INO80: variants seen among roughly 807,000 people sequenced by gnomAD.
INO80 encodes chromatin-remodeling ATPase INO80.
Under a neutral mutation model 203.4 loss-of-function variants are expected in INO80, and 20 were observed. That is an observed-to-expected ratio of 0.10 (90% CI 0.07 to 0.14). INO80 has a LOEUF of 0.14. Among genes scored for constraint, INO80 ranks in the 10% least tolerant of loss-of-function variants. INO80 has a pLI of 1.00. For missense variants in INO80, 1,419 were observed against 1,914.4 expected (o/e 0.74, Z 4.83); for synonymous variants, 726 against 685.2 (o/e 1.06, Z -0.93).
rs1355917194 is a variant in INO80 at position 41,116,097 on chromosome 15, G to A, written c.-168C>T. Reference sequence around the variant, plus strand: ...GGTTCGCTCTCTGAGGCCGTGGGACGGTGACTGCGTTGGGCGTGGACGCTC... The same window carrying A: ...GGTTCGCTCTCTGAGGCCGTGGGACAGTGACTGCGTTGGGCGTGGACGCTC... On this transcript the variant is annotated 5_prime_UTR_variant, in exon 1 of 36. Transcript: ENST00000648947. 3 of 397,042 alleles carry A rather than the reference G, an allele frequency of 7.6e-6. No homozygotes were observed. Among genetic ancestry groups the A allele is most frequent in the Admixed American group, 4.4e-5 (1 of 22,650 alleles). The allele number at this position is 397,042 out of a possible 1,614,324, so 24.6% of individuals were successfully genotyped here.
At chr15:41,036,407 T>TCA (rs1426290195) in intron 24 of INO80, among the ~76,000 whole-genome samples, 1 of 152,140 alleles carries the variant, frequency 6.6e-6, no homozygotes, top group Non-Finnish European at 1.5e-5. Context: ...AAGGAACGTG[T>TCA]CACCTCTAGT....
chr15:40,984,229 C>A lies in INO80; in HGVS notation c.4045G>T (p.Val1349Leu). The change falls in exon 33 of 36, where the codon GTG becomes TTG. Residue 1349 changes from valine to leucine, a missense_variant. This residue lies in a region of INO80 where 214 missense variants were observed against 248.9 expected (regional missense o/e 0.86). Coordinates refer to ENST00000648947, the MANE Select transcript of INO80 (RefSeq NM_017553.3). ...SADGDDSFISVDSAMPSPFSE... is the reference protein window; with the variant it reads ...SADGDDSFISLDSAMPSPFSE... ...AAAGGGCTTGGCATGGCTGAGTCCA[C>A]GCTAATGAAGGAGTCATCTCCGTCA... 1 of 1,613,712 alleles carries A rather than the reference C, an allele frequency of 6.2e-7. No homozygotes were observed. Among genetic ancestry groups the A allele is most frequent in the East Asian group, 2.2e-5 (1 of 44,876 alleles).
At chr15:41,030,913 G>A (rs367785890) in intron 24 of INO80, among the ~76,000 whole-genome samples, 25 of 150,148 alleles carry the variant, frequency 1.7e-4, no homozygotes, top group African/African-American at 4.4e-4. Context: ...CTCATGATCC[G>A]TCCACCTTGG....
intron 9 of INO80, among the ~76,000 whole-genome samples, chr15:41,076,253 T>G (rs2045400470): frequency 6.6e-6 from 1 of 150,620 alleles, no homozygotes; most frequent in Non-Finnish European, 1.5e-5. Context: ...CCCAGCTACT[T>G]AGGAGGCTGA....
intron 1 of INO80, among the ~76,000 whole-genome samples, chr15:41,107,952 T>C (rs1437264178): frequency 6.6e-6 from 1 of 151,014 alleles, no homozygotes; most frequent in Non-Finnish European, 1.5e-5. Flanking sequence ...ATACAAAAAT[T>C]AGCCGGGCAT....
intron 24 of INO80, among the ~76,000 whole-genome samples, chr15:41,040,338 T>C (rs1406628612): frequency 1.3e-5 from 2 of 152,180 alleles, no homozygotes; most frequent in Non-Finnish European, 2.9e-5. Flanking sequence ...ACCGTGAAGC[T>C]GTACTTATTA....
chr15:41,097,949 A>G (rs892445324), intron 1 of INO80, among the ~76,000 whole-genome samples: 9 of 152,146 alleles, frequency 5.9e-5, no homozygotes, highest in Non-Finnish European at 1.2e-4. Flanking sequence ...GCAAAACCCC[A>G]TCTCAAAAAA....
intron 15 of INO80, 74 bp downstream of exon 15, chr15:41,059,793 A>C: frequency 1.0e-6 from 1 of 972,636 alleles, no homozygotes; most frequent in Non-Finnish European, 1.5e-6. Flanking sequence ...GTCTAAAAGA[A>C]ATTATCCACA....
At position 41,034,862 on chromosome 15, in the gene INO80, A is replaced by G. The variant is rs532506471; in HGVS notation, c.2908-7126T>C. On this transcript the variant is annotated intron_variant, in intron 24 of 35. Transcript: ENST00000648947. ...AAACCTTGAAACATAATTTGTCTTCACTGGAGAACTGCTTCTCTTCTGCAT... is the reference window on the plus strand; with the variant it reads ...AAACCTTGAAACATAATTTGTCTTCGCTGGAGAACTGCTTCTCTTCTGCAT... Among the ~76,000 whole-genome samples, 250 of 152,342 alleles carry G rather than the reference A, an allele frequency of 1.6e-3. 1 individual carries two copies. Among genetic ancestry groups the G allele is most frequent in the African/African-American group, 5.8e-3 (241 of 41,578 alleles).
At chr15:40,992,472 T>C (rs1239174659) in intron 29 of INO80, among the ~76,000 whole-genome samples, 1 of 152,220 alleles carries the variant, frequency 6.6e-6, no homozygotes, top group Non-Finnish European at 1.5e-5. Context: ...CATTTTTACA[T>C]ATGCATTCTC....
rs1478340706 is a variant in INO80, at chr15:41,021,086, T to C, written c.3088A>G (p.Ser1030Gly). Residue 1030 changes from serine to glycine, a missense_variant, in exon 26 of 36, where the codon AGT becomes GGT. Transcript: ENST00000648947. ...VPLDSYCNDRSAEYERRVLKE... is the reference protein window; with the variant it reads ...VPLDSYCNDRGAEYERRVLKE... ...AGAACTCGCCTTTCATATTCTGCACTTCGGTCATTGCAGTAAGAATCCAAT... is the reference window on the plus strand; with the variant it reads ...AGAACTCGCCTTTCATATTCTGCACCTCGGTCATTGCAGTAAGAATCCAAT... 1.2e-6 allele frequency: 2 copies of C among 1,614,050 alleles called. No homozygotes were observed. The highest frequency in any genetic ancestry group is 1.7e-6 in the Non-Finnish European group (2 of 1,180,014).
intron 1 of INO80, among the ~76,000 whole-genome samples, chr15:41,103,390 C>G (rs931097199): frequency 1.3e-5 from 2 of 151,950 alleles, no homozygotes; most frequent in African/African-American, 4.8e-5. Flanking sequence ...AATCATCGTT[C>G]TTGTTTTATA....
intron 1 of INO80, among the ~76,000 whole-genome samples, chr15:41,101,545 T>C (rs1458807346): frequency 6.6e-6 from 1 of 151,392 alleles, no homozygotes; most frequent in Non-Finnish European, 1.5e-5. Flanking sequence ...CAGACTTTAT[T>C]TGTAACTTTT....
intron 9 of INO80, among the ~76,000 whole-genome samples, chr15:41,078,822 A>G (rs1308605359): frequency 2.6e-5 from 4 of 152,086 alleles, no homozygotes; most frequent in African/African-American, 9.7e-5. Flanking sequence ...CATCAGGTTT[A>G]CCAACAGTAC....
intron 17 of INO80, 94 bp from the exon 18 acceptor site, chr15:41,055,458 G>C (rs1596297486): frequency 1.5e-6 from 1 of 666,084 alleles, no homozygotes; most frequent in Admixed American, 2.6e-5. Flanking sequence ...GTGTATTAGT[G>C]TGTAAGTGCC....
At chr15:41,048,139 G>C in intron 22 of INO80, 73 bp downstream of exon 22, 1 of 1,126,658 alleles carries the variant, frequency 8.9e-7, no homozygotes, top group Non-Finnish European at 1.3e-6. Context: ...TTCTAAATCA[G>C]TCTCTCAGCA....
At chr15:41,007,182 C>CTTTTTTTTTTTTTTTTT (rs11330780) in intron 27 of INO80, among the ~76,000 whole-genome samples, 2 of 119,314 alleles carry the variant, frequency 1.7e-5, no homozygotes, top group Admixed American at 8.8e-5. Context: ...TTTTTTTTTT[C>CTTTTTTTTTTTTTTTTT]TTTTTTTTTT....
chr15:41,045,406 T>G (rs1038252311), intron 23 of INO80, among the ~76,000 whole-genome samples: 1 of 151,894 alleles, frequency 6.6e-6, no homozygotes, highest in South Asian at 2.1e-4. Flanking sequence ...CTGACCTAGA[T>G]GGCAAAATAC....
intron 4 of INO80, among the ~76,000 whole-genome samples, chr15:41,094,943 T>C (rs2045699269): frequency 6.6e-6 from 1 of 151,894 alleles, no homozygotes; most frequent in Non-Finnish European, 1.5e-5. Context: ...CTTCAGACTA[T>C]GTGTATAAGG....
Sources: gnomAD v4.1 joint callset for allele counts (sites outside exome capture counted in the v4.1 genomes callset) on GRCh38, gnomAD v4.1.1 for gene constraint, gnomAD v4.1.1 regional missense constraint, MANE v1.5 for transcripts, NCBI Gene and HGNC (gene_info 2026-07-23, HGNC 2026-07-21) for gene names.